Variants in FHIT observed in about 807,000 individuals in gnomAD.
FHIT encodes fragile histidine triad diadenosine triphosphatase.
Under a neutral mutation model 17.9 loss-of-function variants are expected in FHIT, and 19 were observed. The observed-to-expected ratio is 1.06, with a 90% CI of 0.74 to 1.56. The LOEUF is 1.56. Ranked by LOEUF, FHIT falls within the 40% of genes most tolerant of loss-of-function variation. The probability of loss-of-function intolerance (pLI) is 0.00; values close to 1 mark genes in which losing one functional copy is unlikely to be tolerated. For missense variants in FHIT, 248 were observed against 189.2 expected (o/e 1.31, Z -1.82); for synonymous variants, 81 against 69.7 (o/e 1.16, Z -0.81).
At chr3:60,846,752 T>A (rs2106890962) in intron 3 of FHIT, among the ~76,000 whole-genome samples, 1 of 152,360 alleles carries the variant, frequency 6.6e-6, no homozygotes, top group South Asian at 2.1e-4. Context: ...TGTTTTAATA[T>A]TCACATTTCA....
chr3:60,020,336 G>T (rs1700507869), intron 5 of FHIT, among the ~76,000 whole-genome samples: 1 of 152,168 alleles, frequency 6.6e-6, no homozygotes, highest in African/African-American at 2.4e-5. Context: ...TGATTCAGAT[G>T]ATTAATTAAA....
intron 5 of FHIT, among the ~76,000 whole-genome samples, chr3:60,308,089 A>T (rs779112086): frequency 3.9e-5 from 6 of 152,182 alleles, no homozygotes; most frequent in Non-Finnish European, 7.4e-5. Context: ...GCACAGCAGC[A>T]ATCTTGGGAG....
At chr3:61,227,960 G>C (rs1180416015) in intron 1 of FHIT, among the ~76,000 whole-genome samples, 1 of 151,836 alleles carries the variant, frequency 6.6e-6, no homozygotes, top group African/African-American at 2.4e-5. Context: ...TATGAGGAGA[G>C]GTTTTTAAAA....
chr3:60,347,578 T>G (rs866640544), intron 5 of FHIT, among the ~76,000 whole-genome samples: 61 of 146,720 alleles, frequency 4.2e-4, no homozygotes, highest in African/African-American at 1.5e-3. Flanking sequence ...GGAAAATGTG[T>G]CTTAAGAAGG....
intron 5 of FHIT, among the ~76,000 whole-genome samples, chr3:60,314,240 GAT>G (rs1016263035): frequency 4.7e-5 from 7 of 150,296 alleles, no homozygotes; most frequent in African/African-American, 1.5e-4. Flanking sequence ...ATTAATAAGA[GAT>G]ATAGGATTTC....
chr3:60,110,265 T>C (rs1704614112), intron 5 of FHIT, among the ~76,000 whole-genome samples: 1 of 152,200 alleles, frequency 6.6e-6, no homozygotes, highest in African/African-American at 2.4e-5. Context: ...TAACATTCAG[T>C]ATAAATCTCT....
chr3:60,541,187 C>T (rs1382416600), intron 4 of FHIT, among the ~76,000 whole-genome samples: 1 of 152,226 alleles, frequency 6.6e-6, no homozygotes, highest in Non-Finnish European at 1.5e-5. Flanking sequence ...AGACAGTCAA[C>T]TCTACAAATA....
At chr3:59,826,840 A>G (rs985157693) in intron 8 of FHIT, among the ~76,000 whole-genome samples, 1 of 152,238 alleles carries the variant, frequency 6.6e-6, no homozygotes, top group Non-Finnish European at 1.5e-5. Context: ...TAATTACTGC[A>G]AGTCTTAGAA....
At chr3:61,235,267 TG>T (rs1200770736) in intron 1 of FHIT, among the ~76,000 whole-genome samples, 4 of 152,198 alleles carry the variant, frequency 2.6e-5, no homozygotes, top group Non-Finnish European at 5.9e-5. Flanking sequence ...ACTTGCCAAC[TG>T]GGTGTCCTTG....
intron 5 of FHIT, among the ~76,000 whole-genome samples, chr3:60,253,349 T>C (rs975717111): frequency 1.4e-4 from 21 of 152,186 alleles, no homozygotes; most frequent in African/African-American, 4.3e-4. Flanking sequence ...ATGTTTCTAG[T>C]TATTAAGAAC....
intron 2 of FHIT, among the ~76,000 whole-genome samples, chr3:61,109,433 G>A (rs540414429): frequency 6.6e-6 from 1 of 152,218 alleles, no homozygotes; most frequent in East Asian, 1.9e-4. Flanking sequence ...TTAAGTGAAG[G>A]TTGCCAGGTA....
chr3:60,282,670 C>G (rs76782640), intron 5 of FHIT, among the ~76,000 whole-genome samples: 2 of 151,674 alleles, frequency 1.3e-5, no homozygotes, highest in African/African-American at 2.4e-5. Context: ...GGTGGTGGGG[C>G]GGGGATGGGG....
At chr3:60,725,063 T>C (rs2041890592) in intron 4 of FHIT, among the ~76,000 whole-genome samples, 1 of 152,226 alleles carries the variant, frequency 6.6e-6, no homozygotes, top group African/African-American at 2.4e-5. Flanking sequence ...CATGGGCTTA[T>C]TAGCCATTTG....
intron 2 of FHIT, among the ~76,000 whole-genome samples, chr3:61,086,779 C>G (rs2035319000): frequency 6.6e-6 from 1 of 152,028 alleles, no homozygotes; most frequent in African/African-American, 2.4e-5. Context: ...GAAATTCATC[C>G]TATAACTAAA....
chr3:60,243,133 G>A (rs937982379), intron 5 of FHIT, among the ~76,000 whole-genome samples: 5 of 151,606 alleles, frequency 3.3e-5, no homozygotes, highest in South Asian at 2.1e-4. Flanking sequence ...TGGATTGTTC[G>A]CCTTTGGGAG....
chr3:60,357,445 A>C (rs916240174), intron 5 of FHIT, among the ~76,000 whole-genome samples: 1 of 152,038 alleles, frequency 6.6e-6, no homozygotes, highest in South Asian at 2.1e-4. Context: ...GGGTTTCGCT[A>C]TGTTGGTCAG....
chr3:60,910,223 C>A (rs1218598919), intron 3 of FHIT, among the ~76,000 whole-genome samples: 1 of 152,070 alleles, frequency 6.6e-6, no homozygotes, highest in African/African-American at 2.4e-5. Flanking sequence ...GAAGGCTTTC[C>A]GAGATCTTGG....
chr3:60,799,516 TTCTTCCCTA>T (rs1403712366), intron 4 of FHIT, among the ~76,000 whole-genome samples: 2 of 152,204 alleles, frequency 1.3e-5, no homozygotes, highest in Non-Finnish European at 2.9e-5. Context: ...TAAAATCTTG[TTCTTCCCTA>T]TCTTCCAACT....
Position 60,951,002 on chromosome 3 carries a change from A to G in FHIT, c.-111+91045T>C, listed in dbSNP as rs73836065. Among the ~76,000 whole-genome samples the G allele has an allele frequency of 5.8e-3, 891 of 152,334 alleles. 8 individuals carry two copies. Among genetic ancestry groups the G allele is most frequent in the African/African-American group, 0.021 (859 of 41,570 alleles). On this transcript the variant is annotated intron_variant, in intron 3 of 9. Transcript: ENST00000492590. The stretch of plus-strand genomic sequence containing the variant: ...AACAGTAGAAGAGAAATGCCAAAAC[A>G]TCAGCTCTAGATTATCCTCTAAAGA...
Sources: gnomAD v4.1 joint callset for allele counts (sites outside exome capture counted in the v4.1 genomes callset) on GRCh38, gnomAD v4.1.1 for gene constraint, MANE v1.5 for transcripts, NCBI Gene and HGNC (gene_info 2026-07-23, HGNC 2026-07-21) for gene names.